The following NEO1 variants were observed in gnomAD, a reference collection of about 807,000 sequenced individuals.
NEO1 encodes the protein neogenin 1.
NEO1 carries 63 observed loss-of-function variants against 159.7 expected under a neutral mutation model. The observed-to-expected ratio is 0.39, with a 90% CI of 0.32 to 0.49. The LOEUF is 0.49. NEO1 is among the 20% of genes least tolerant of loss of function. The pLI is 0.85. For synonymous variants in NEO1, 633 were observed against 662.0 expected (o/e 0.96, Z 0.67); for missense variants, 1,615 against 1,831.0 (o/e 0.88, Z 2.15).
intron 7 of NEO1, among the ~76,000 whole-genome samples, chr15:73,206,324 T>A (rs2037223475): frequency 6.6e-6 from 1 of 152,238 alleles, no homozygotes; most frequent in South Asian, 2.1e-4. Flanking sequence ...TCTTGTTGAA[T>A]TTTATGCCTC....
chr15:73,150,956 T>C (rs1388973887), intron 5 of NEO1, among the ~76,000 whole-genome samples: 1 of 152,232 alleles, frequency 6.6e-6, no homozygotes, highest in Non-Finnish European at 1.5e-5. Context: ...GGTCCATCCA[T>C]GTTGCTGCTT....
intron 1 of NEO1, among the ~76,000 whole-genome samples, chr15:73,083,474 G>A (rs1037911299): frequency 7.2e-5 from 11 of 151,918 alleles, no homozygotes; most frequent in African/African-American, 2.7e-4. Context: ...CTTAAAGATA[G>A]AAAGTCGAGT....
At chr15:73,074,515 C>T (rs142411234) in intron 1 of NEO1, among the ~76,000 whole-genome samples, 201 of 152,192 alleles carry the variant, frequency 1.3e-3, no homozygotes, top group African/African-American at 4.0e-3. Context: ...GTGACTCATA[C>T]GGAGCTGTTA....
intron 1 of NEO1, among the ~76,000 whole-genome samples, chr15:73,073,963 A>G (rs979836082): frequency 2.6e-5 from 4 of 152,210 alleles, no homozygotes; most frequent in African/African-American, 7.2e-5. Flanking sequence ...AAAAATGCAT[A>G]AACAGTAGCT....
At chr15:73,052,259 A>AGGCGCGCGCGTGCGC (rs2067470681), upstream of NEO1, among the ~76,000 whole-genome samples, 1 of 143,916 alleles carries the variant, frequency 6.9e-6, no homozygotes, top group East Asian at 2.1e-4. Flanking sequence ...GGTGCGGGCG[A>AGGCGCGCGCGTGCGC]GGCGCGCGCG....
chr15:73,168,938 C>CA (rs1393253400), intron 5 of NEO1, among the ~76,000 whole-genome samples: 4 of 151,676 alleles, frequency 2.6e-5, no homozygotes, highest in African/African-American at 9.7e-5. Flanking sequence ...AGAAAAGAAG[C>CA]AGTTTTAACA....
chr15:73,135,760 C>A, intron 4 of NEO1, 131 bp from the exon 5 acceptor site: 1 of 784,792 alleles, frequency 1.3e-6, no homozygotes, highest in Non-Finnish European at 1.8e-6. Context: ...TTATATTAGT[C>A]TTGGTTCATC....
At chr15:73,206,831 GTGTA>G (rs1314475003) in intron 7 of NEO1, among the ~76,000 whole-genome samples, 2 of 39,116 alleles carry the variant, frequency 5.1e-5, no homozygotes, top group Non-Finnish European at 1.1e-4. Flanking sequence ...TCGTGTGTGT[GTGTA>G]TGTGTGTGTG....
intron 16 of NEO1, among the ~76,000 whole-genome samples, chr15:73,266,787 G>A (rs111481049): frequency 1.5e-3 from 233 of 152,256 alleles, no homozygotes; most frequent in African/African-American, 5.3e-3. Flanking sequence ...AAATGCATGC[G>A]ATTCGTGAAC....
chr15:73,124,835 CT>C, intron 3 of NEO1, among the ~76,000 whole-genome samples: 1 of 152,260 alleles, frequency 6.6e-6, no homozygotes, highest in East Asian at 1.9e-4. Context: ...GAATTTTTGT[CT>C]GCTGCCAAAA....
intron 21 of NEO1, 65 bp from the exon 22 acceptor site, chr15:73,278,066 G>A (rs1218271704): frequency 7.1e-7 from 1 of 1,414,254 alleles, no homozygotes. Context: ...ACACTCCCTA[G>A]CTATGAAGTG....
chr15:73,217,264 G>T (rs1229966820), intron 7 of NEO1, among the ~76,000 whole-genome samples: 2 of 150,408 alleles, frequency 1.3e-5, no homozygotes, highest in Admixed American at 6.6e-5. Flanking sequence ...ATTTCTGAGG[G>T]CTCTGTTCTG....
At chr15:73,281,966 C>A (rs573170173) in intron 22 of NEO1, among the ~76,000 whole-genome samples, 1 of 152,320 alleles carries the variant, frequency 6.6e-6, no homozygotes, top group South Asian at 2.1e-4. Flanking sequence ...GAATTTCCTT[C>A]TTCAGGGTCC....
intron 7 of NEO1, 63 bp downstream of exon 7, chr15:73,178,490 G>A (rs556772494): frequency 1.8e-5 from 28 of 1,580,316 alleles, no homozygotes; most frequent in Admixed American, 3.5e-5. Context: ...GCACCCATCC[G>A]TCCAAATAAC....
chr15:73,121,692 T>A (rs2071662208), intron 2 of NEO1, among the ~76,000 whole-genome samples: 1 of 152,170 alleles, frequency 6.6e-6, no homozygotes, highest in African/African-American at 2.4e-5. Context: ...AAGGCAAAGC[T>A]TTTCCTTTTC....
intron 19 of NEO1, among the ~76,000 whole-genome samples, chr15:73,272,968 CA>C (rs56162211): frequency 0.52 from 45,314 of 87,032 alleles, 8,793 homozygotes; most frequent in Non-Finnish European, 0.56. Flanking sequence ...CCTGAAGCCA[CA>C]AAAAAAAAAA....
At chr15:73,289,621 A>G (rs573106297) in intron 25 of NEO1, among the ~76,000 whole-genome samples, 13 of 152,222 alleles carry the variant, frequency 8.5e-5, no homozygotes, top group African/African-American at 3.1e-4. Flanking sequence ...AGTGCTGATG[A>G]GCACCTGTGA....
chr15:73,270,547 A>G, intron 18 of NEO1, 93 bp downstream of exon 18: 8 of 1,354,560 alleles, frequency 5.9e-6, no homozygotes, highest in Non-Finnish European at 7.9e-6. Context: ...AAACACAGTG[A>G]GCAACTACAT....
chr15:73,269,933 T>C, intron 16 of NEO1, 77 bp from the exon 17 acceptor site: 1 of 1,135,774 alleles, frequency 8.8e-7, no homozygotes, highest in Non-Finnish European at 1.3e-6. Flanking sequence ...TCCATTATAT[T>C]ACCCTGCATT....
Sources: gnomAD v4.1 joint callset for allele counts (sites outside exome capture counted in the v4.1 genomes callset) on GRCh38, gnomAD v4.1.1 for gene constraint, MANE v1.5 for transcripts, NCBI Gene and HGNC (gene_info 2026-07-23, HGNC 2026-07-21) for gene names.